Variants in RIT2 observed in about 807,000 individuals in gnomAD.
The protein encoded by RIT2 is Ras like without CAAX 2, also known as GTP-binding protein Rit2.
In RIT2, 24 loss-of-function variants were observed where a neutral mutation model predicts 23.7. The ratio of observed to expected loss-of-function variants is 1.01; its 90% CI spans 0.73 to 1.43. The LOEUF is 1.43. RIT2 is among the 40% of genes most tolerant of loss of function. The pLI is 0.00. For missense variants in RIT2, 236 were observed against 266.9 expected, an observed-to-expected ratio of 0.88 and a Z score of 0.81; for synonymous variants, 107 against 91.1, an observed-to-expected ratio of 1.17 and a Z score of -0.99.
intron 2 of RIT2, among the ~76,000 whole-genome samples, chr18:43,013,367 A>G (rs954551182): frequency 6.6e-6 from 1 of 151,814 alleles, no homozygotes; most frequent in African/African-American, 2.4e-5. Flanking sequence ...AATAATTTTC[A>G]CTTTCCTAGT....
At chr18:42,822,798 C>T (rs1299559428) in intron 4 of RIT2, among the ~76,000 whole-genome samples, 1 of 152,106 alleles carries the variant, frequency 6.6e-6, no homozygotes, top group East Asian at 1.9e-4. Flanking sequence ...GACATACACA[C>T]CTATTTGAAA....
intron 4 of RIT2, among the ~76,000 whole-genome samples, chr18:42,885,256 C>T (rs1907991117): frequency 1.3e-5 from 2 of 152,164 alleles, no homozygotes; most frequent in Non-Finnish European, 2.9e-5. Flanking sequence ...CCAATAAAAA[C>T]ATTAATTACT....
chr18:42,942,149 C>T (rs1245050747), intron 3 of RIT2, among the ~76,000 whole-genome samples: 1 of 151,516 alleles, frequency 6.6e-6, no homozygotes, highest in Non-Finnish European at 1.5e-5. Flanking sequence ...ACTGATTTGC[C>T]CTTTGCCTTT....
intron 4 of RIT2, among the ~76,000 whole-genome samples, chr18:42,752,889 C>T (rs559612414): frequency 6.6e-6 from 1 of 152,096 alleles, no homozygotes; most frequent in East Asian, 1.9e-4. Context: ...ACCTGGAGGC[C>T]TTAGAAAGCA....
intron 4 of RIT2, among the ~76,000 whole-genome samples, chr18:42,808,336 T>C (rs1905742754): frequency 6.6e-6 from 1 of 152,144 alleles, no homozygotes; most frequent in South Asian, 2.1e-4. Flanking sequence ...ATGTACTTCA[T>C]AGAAAAGAGA....
intron 1 of RIT2, among the ~76,000 whole-genome samples, chr18:43,093,439 T>C (rs1446947599): frequency 1.3e-5 from 2 of 152,086 alleles, no homozygotes; most frequent in African/African-American, 4.8e-5. Context: ...GAAATGTGTT[T>C]TTTAAAATGT....
chr18:42,817,271 T>C (rs2226861), intron 4 of RIT2, among the ~76,000 whole-genome samples: 1 of 152,180 alleles, frequency 6.6e-6, no homozygotes, highest in Non-Finnish European at 1.5e-5. Flanking sequence ...TTAATATTTT[T>C]CATCTAGTTA....
intron 4 of RIT2, among the ~76,000 whole-genome samples, chr18:42,845,134 A>G (rs1438893068): frequency 6.6e-6 from 1 of 152,116 alleles, no homozygotes; most frequent in Non-Finnish European, 1.5e-5. Flanking sequence ...CTTGATGACA[A>G]TACAGATTTA....
chr18:42,746,895 A>G (rs570405504), intron 4 of RIT2, among the ~76,000 whole-genome samples: 1 of 152,236 alleles, frequency 6.6e-6, no homozygotes, highest in Admixed American at 6.6e-5. Context: ...CATAGAAGGG[A>G]CCTGCCTTAC....
chr18:42,982,952 T>C (rs186564817), intron 2 of RIT2, among the ~76,000 whole-genome samples: 20 of 152,240 alleles, frequency 1.3e-4, no homozygotes, highest in Admixed American at 3.9e-4. Context: ...TGCAGAACAT[T>C]TTTTGTATCT....
intron 1 of RIT2, among the ~76,000 whole-genome samples, chr18:43,078,051 TA>T (rs1207599601): frequency 2.0e-5 from 3 of 152,152 alleles, no homozygotes; most frequent in South Asian, 4.1e-4. Context: ...AAAGCGATGC[TA>T]AAAAAAGCAT....
intron 4 of RIT2, among the ~76,000 whole-genome samples, chr18:42,913,092 C>A (rs528588039): frequency 6.6e-6 from 1 of 150,928 alleles, no homozygotes; most frequent in African/African-American, 2.4e-5. Context: ...CATAACTCCA[C>A]ATGAATATGC....
chr18:42,837,169 T>TTTTTTTTTTTTTTTTTTTTTTTTTG (rs1293310700), intron 4 of RIT2, among the ~76,000 whole-genome samples: 1 of 103,596 alleles, frequency 9.7e-6, no homozygotes, highest in Non-Finnish European at 1.8e-5. Flanking sequence ...TTTTTTTTTT[T>TTTTTTTTTTTTTTTTTTTTTTTTTG]TTTTTTTTTT....
intron 3 of RIT2, among the ~76,000 whole-genome samples, chr18:42,945,411 A>G (rs1273834400): frequency 6.6e-6 from 1 of 151,494 alleles, no homozygotes; most frequent in Non-Finnish European, 1.5e-5. Context: ...TTTAATATTC[A>G]TTTAGGCACA....
chr18:42,887,652 G>T, intron 4 of RIT2, among the ~76,000 whole-genome samples: 1 of 152,138 alleles, frequency 6.6e-6, no homozygotes, highest in Non-Finnish European at 1.5e-5. Flanking sequence ...CAGCAATCAA[G>T]CTTGTTGGTA....
In RIT2 at chr18:42,827,921, T is replaced by C. The variant is rs1285811204; in HGVS notation, c.427-84201A>G. ...TCGGGAGGCTGAGGCAGGAGAATGG[T>C]GCGAACCCGGGAGGCGGAGCTTGCA... is the stretch of plus-strand genomic sequence containing the variant. On this transcript the variant is annotated intron_variant, in intron 4 of 4. Coordinates refer to ENST00000326695, the MANE Select transcript of RIT2 (RefSeq NM_002930.4). Among the ~76,000 whole-genome samples, 4 of 140,594 alleles carry C rather than the reference T, an allele frequency of 2.8e-5. No homozygotes were observed. The East Asian group carries it at 6.2e-4, about 22-fold the overall frequency. The allele number at this position is 140,594 out of a possible 152,430, so 92.2% of individuals were successfully genotyped here.
In RIT2 at chr18:42,923,779, A is replaced by G. The variant is rs768699420; in HGVS notation, c.235-16T>C. The G allele has an allele frequency of 2.5e-5, 40 of 1,582,334 alleles. No individual in the cohort carries two copies. The highest frequency in any genetic ancestry group is 3.3e-5 in the Non-Finnish European group (39 of 1,169,584). On this transcript the variant is annotated splice_polypyrimidine_tract_variant and intron_variant, in intron 3 of 4. Transcript: ENST00000326695. ...TGAATTCTGCCTGCAGGAAAAAAAA[A>G]AAAAAATTAGTTATGGGCTTTCAAT...
intron 4 of RIT2, among the ~76,000 whole-genome samples, chr18:42,915,926 C>T (rs952900163): frequency 6.6e-6 from 1 of 151,496 alleles, no homozygotes; most frequent in African/African-American, 2.4e-5. Context: ...GTATATATTA[C>T]ACCATATGTG....
At chr18:43,070,238 G>C (rs1450074651) in intron 1 of RIT2, among the ~76,000 whole-genome samples, 1 of 152,150 alleles carries the variant, frequency 6.6e-6, no homozygotes, top group Non-Finnish European at 1.5e-5. Context: ...ATATGGGTTA[G>C]AGGAATTGGT....
Sources: allele counts gnomAD v4.1 joint callset (sites outside exome capture counted in the v4.1 genomes callset), GRCh38; gene constraint gnomAD v4.1.1; transcripts MANE v1.5; gene names NCBI Gene and HGNC (gene_info 2026-07-23, HGNC 2026-07-21).